The following ITGA11 variants were observed in gnomAD, a reference collection of about 807,000 sequenced individuals.
ITGA11 encodes the protein integrin alpha-11.
Under a neutral mutation model 141.9 loss-of-function variants are expected in ITGA11, and 97 were observed. That is an observed-to-expected ratio of 0.68 (90% CI 0.58 to 0.81). The LOEUF is 0.81. Among genes scored for constraint, ITGA11 ranks in the 30% least tolerant of loss-of-function variants. ITGA11 has a pLI of 0.00. For synonymous variants in ITGA11, 658 were observed against 624.6 expected (o/e 1.05, Z -0.80); for missense variants, 1,387 against 1,559.2 (o/e 0.89, Z 1.86).
intron 1 of ITGA11, among the ~76,000 whole-genome samples, chr15:68,404,607 C>T (rs1255213145): frequency 6.6e-6 from 1 of 152,158 alleles, no homozygotes; most frequent in Non-Finnish European, 1.5e-5. Context: ...GGCAGATGCA[C>T]TTGGTGCAGT....
intron 6 of ITGA11, 38 bp from the exon 7 acceptor site, chr15:68,357,337 C>T: frequency 6.3e-7 from 1 of 1,577,218 alleles, no homozygotes; most frequent in Non-Finnish European, 8.6e-7. Context: ...ACATTTTGAC[C>T]CCATGAACCC....
At chr15:68,410,051 C>T (rs1896738184) in intron 1 of ITGA11, among the ~76,000 whole-genome samples, 1 of 152,214 alleles carries the variant, frequency 6.6e-6, no homozygotes, top group African/African-American at 2.4e-5. Context: ...AGATCCTGCT[C>T]AATACAGAAC....
At position 68,304,713 on chromosome 15, in the gene ITGA11, A is replaced by G. The variant is rs1893133109; in HGVS notation, c.3382-828T>C. On this transcript the variant is annotated intron_variant, in intron 28 of 29. Coordinates refer to ENST00000315757, the MANE Select transcript of ITGA11 (RefSeq NM_001004439.2). This position sits in a 1 kb window ranked among gnomAD's most constrained non-coding sequence, Gnocchi z 6.1. ...AAGCTCTTAACACCCCAGCCCCCGA[A>G]GCCTGCTCTTTCCAGCTCTTTCTCA... is the stretch of plus-strand genomic sequence containing the variant. Among the ~76,000 whole-genome samples, 1 of 152,102 alleles carries G rather than the reference A, an allele frequency of 6.6e-6. No individual in the cohort carries two copies.
intron 2 of ITGA11, among the ~76,000 whole-genome samples, chr15:68,385,492 T>C (rs1402488070): frequency 6.6e-6 from 1 of 152,250 alleles, no homozygotes; most frequent in African/African-American, 2.4e-5. Flanking sequence ...TCCACCATAG[T>C]TGGCCTCTGG....
chr15:68,358,722 G>T, intron 5 of ITGA11, 137 bp from the exon 6 acceptor site: 1 of 958,736 alleles, frequency 1.0e-6, no homozygotes, highest in Non-Finnish European at 1.5e-6. Context: ...AACTGTCCTT[G>T]GGTTGGACAT....
rs894237933 is a variant in ITGA11 at position 68,361,883 on chromosome 15, G to A, written c.358-179C>T. On this transcript the variant is annotated intron_variant, in intron 4 of 29. Transcript: ENST00000315757. ...CTCTCTCTTGCTGCAATGTGTACTA[G>A]TTCCTTTGGTTTCAGGTCTAATGGA... 1.3e-5 allele frequency: 7 copies of A among 552,162 alleles called. No individual in the cohort carries two copies. In the Admixed American group the frequency reaches 1.9e-4, roughly 15 times the overall value. 34.2% of individuals were successfully genotyped at this position (552,162 alleles called of 1,614,324 possible).
At chr15:68,334,378 C>T (rs930695834) in intron 12 of ITGA11, among the ~76,000 whole-genome samples, 1 of 152,186 alleles carries the variant, frequency 6.6e-6, no homozygotes, top group Non-Finnish European at 1.5e-5. Flanking sequence ...GAATTGCTTG[C>T]CCAAGGTCAG....
intron 2 of ITGA11, among the ~76,000 whole-genome samples, chr15:68,398,707 T>G (rs1896386480): frequency 6.8e-6 from 1 of 147,006 alleles, no homozygotes; most frequent in Non-Finnish European, 1.5e-5. Context: ...TATATTTACA[T>G]TAAATATATA....
rs1036468264 is a variant in ITGA11, at chr15:68,305,005, G to A, written c.3382-1120C>T. ...CTAGAGGGATCCTTCTAACGAGGAA[G>A]GCAGGCTTATGCTCTGCTCTGCTCT... On this transcript the variant is annotated intron_variant, in intron 28 of 29. Coordinates refer to ENST00000315757, the MANE Select transcript of ITGA11 (RefSeq NM_001004439.2). The surrounding 1 kb of genome is among the most constrained non-coding windows in gnomAD (Gnocchi z 4.6). Among the ~76,000 whole-genome samples, 4 of 152,216 alleles carry A rather than the reference G, an allele frequency of 2.6e-5. No homozygotes were observed. The highest frequency in any genetic ancestry group is 6.5e-5 in the Admixed American group (1 of 15,288).
Position 68,331,055 on chromosome 15 carries a change from G to A in ITGA11, c.1827C>T (p.His609=), listed in dbSNP as rs1053432631. ...CATCCTCATTGAGGTCCAATTGCCC[G>A]TGGATGCTGCAGCCAAAATACTGGA... ...TGLQYFGCSI[H]GQLDLNEDGL... is the part of the protein sequence containing the mutation. Residue 609 remains histidine (H), a synonymous_variant, in exon 15 of 30, where the codon CAC becomes CAT. Transcript: ENST00000315757. 2.5e-6 allele frequency: 4 copies of A among 1,611,662 alleles called. No homozygotes were observed. The highest frequency in any genetic ancestry group is 1.7e-5 in the Admixed American group (1 of 59,714).
intron 1 of ITGA11, among the ~76,000 whole-genome samples, chr15:68,426,107 T>C (rs1276737478): frequency 1.3e-5 from 2 of 152,166 alleles, no homozygotes; most frequent in Non-Finnish European, 2.9e-5. Flanking sequence ...CTACACCAGG[T>C]AGGTCTTCCA....
chr15:68,384,537 C>A (rs1304631069), intron 2 of ITGA11, among the ~76,000 whole-genome samples: 1 of 152,188 alleles, frequency 6.6e-6, no homozygotes, highest in African/African-American at 2.4e-5. Context: ...AGCTCATTTT[C>A]TTCTTGTCTG....
chr15:68,397,680 ATTATATTTAAAATATTATATTTAAAATAT>A lies in ITGA11; in HGVS notation c.164+5209_164+5237del, dbSNP rs1488314713. 2.0e-4 allele frequency among the ~76,000 whole-genome samples: 9 copies of A among 45,042 alleles called. No individual in the cohort carries two copies. The East Asian group carries it at 0.01, about 50-fold the overall frequency. The allele number at this position is 45,042 out of a possible 152,430, so 29.5% of individuals were successfully genotyped here. ...ATATATATTATAAAATATTTAAAAT[ATTATATTTAAAATATTATATTTAAAATAT>A]TATATTTAAAATATTATATTTAAAA... On this transcript the variant is annotated intron_variant, in intron 2 of 29. Transcript: ENST00000315757.
intron 12 of ITGA11, 146 bp from the exon 13 acceptor site, chr15:68,332,624 A>AC (rs2140305195): frequency 2.3e-6 from 2 of 861,532 alleles, no homozygotes; most frequent in Non-Finnish European, 3.5e-6. Flanking sequence ...CTCACGCGCT[A>AC]CCTCTCTCTC....
intron 2 of ITGA11, among the ~76,000 whole-genome samples, chr15:68,386,352 C>T (rs1895984637): frequency 6.6e-6 from 1 of 152,160 alleles, no homozygotes; most frequent in Non-Finnish European, 1.5e-5. Flanking sequence ...TCCCTCCCTA[C>T]TGCCTCGCAG....
At chr15:68,391,976 T>C (rs1242776083) in intron 2 of ITGA11, among the ~76,000 whole-genome samples, 1 of 152,222 alleles carries the variant, frequency 6.6e-6, no homozygotes, top group Non-Finnish European at 1.5e-5. Flanking sequence ...ATGCATCTTA[T>C]GTCTGGGCTG....
chr15:68,417,192 G>C (rs187178704), intron 1 of ITGA11, among the ~76,000 whole-genome samples: 36 of 152,116 alleles, frequency 2.4e-4, no homozygotes, highest in Middle Eastern at 3.4e-3. Context: ...CATTTCACTT[G>C]GATGTCTCAT....
chr15:68,361,263 G>A (rs1271056303), intron 5 of ITGA11, among the ~76,000 whole-genome samples: 1 of 152,208 alleles, frequency 6.6e-6, no homozygotes, highest in Non-Finnish European at 1.5e-5. Context: ...ATTGTGCAGT[G>A]CACAGCTTGT....
At chr15:68,390,177 T>C (rs1163913391) in intron 2 of ITGA11, among the ~76,000 whole-genome samples, 1 of 152,148 alleles carries the variant, frequency 6.6e-6, no homozygotes, top group East Asian at 1.9e-4. Context: ...CGTTGGTGTA[T>C]GGTCAGCTTT....
Sources: gnomAD v4.1 joint callset for allele counts (sites outside exome capture counted in the v4.1 genomes callset) on GRCh38, gnomAD v4.1.1 for gene constraint, Gnocchi (gnomAD v3.1) non-coding constraint, MANE v1.5 for transcripts, NCBI Gene and HGNC (gene_info 2026-07-23, HGNC 2026-07-21) for gene names.